NEDD4L: variants seen among roughly 807,000 people sequenced by gnomAD.
NEDD4L encodes the protein NEDD4 like E3 ubiquitin protein ligase.
In NEDD4L, 54 loss-of-function variants were observed where a neutral mutation model predicts 148.9. That is an observed-to-expected ratio of 0.36 (90% CI 0.29 to 0.45). NEDD4L has a LOEUF of 0.45. NEDD4L is among the 20% of genes least tolerant of loss of function. The probability of loss-of-function intolerance (pLI) is 1.00; values close to 1 mark genes in which losing one functional copy is unlikely to be tolerated. For missense variants in NEDD4L, 856 were observed against 1,233.8 expected (o/e 0.69, Z 4.59); for synonymous variants, 433 against 440.7 (o/e 0.98, Z 0.22).
At chr18:58,346,019 A>G (rs1446992673) in intron 16 of NEDD4L, among the ~76,000 whole-genome samples, 1 of 151,518 alleles carries the variant, frequency 6.6e-6, no homozygotes, top group East Asian at 1.9e-4. Flanking sequence ...TCGGCCTCCC[A>G]AAGTGCTGGG....
chr18:58,267,252 C>G (rs532584701), intron 5 of NEDD4L, among the ~76,000 whole-genome samples: 2 of 152,164 alleles, frequency 1.3e-5, no homozygotes, highest in East Asian at 3.9e-4. Context: ...CCTCTGAGTT[C>G]CGGTTGCCCC....
chr18:58,390,773 C>G, intron 29 of NEDD4L, 31 bp downstream of exon 29: 1 of 1,490,990 alleles, frequency 6.7e-7, no homozygotes, highest in Non-Finnish European at 9.2e-7. Context: ...TTCAGTTGTC[C>G]TCCTGGGAAT....
At chr18:58,308,025 C>T (rs1379522334) in intron 5 of NEDD4L, among the ~76,000 whole-genome samples, 1 of 152,040 alleles carries the variant, frequency 6.6e-6, no homozygotes, top group African/African-American at 2.4e-5. Flanking sequence ...GTAAAATTAT[C>T]CTGAAATCTT....
At chr18:58,144,092 T>C (rs190883545) in intron 1 of NEDD4L, among the ~76,000 whole-genome samples, 71 of 150,106 alleles carry the variant, frequency 4.7e-4, no homozygotes, top group Admixed American at 8.0e-4. Flanking sequence ...TTCATGACTC[T>C]GGTTATATAT....
At chr18:58,321,724 G>A (rs902345664) in intron 6 of NEDD4L, among the ~76,000 whole-genome samples, 1 of 152,152 alleles carries the variant, frequency 6.6e-6, no homozygotes, top group Non-Finnish European at 1.5e-5. Context: ...TTAATTGAAG[G>A]GTCTAGGTAT....
intron 2 of NEDD4L, among the ~76,000 whole-genome samples, chr18:58,239,510 C>T (rs1344392550): frequency 3.3e-5 from 5 of 152,178 alleles, no homozygotes; most frequent in African/African-American, 1.2e-4. Context: ...TCTCCCCTTA[C>T]GACCCTGCCC....
At chr18:58,277,528 A>G (rs1284058628) in intron 5 of NEDD4L, among the ~76,000 whole-genome samples, 1 of 152,046 alleles carries the variant, frequency 6.6e-6, no homozygotes, top group African/African-American at 2.4e-5. Context: ...CTCGGCAGCT[A>G]GGTGACAGTT....
Position 58,256,294 on chromosome 18 carries a change from C to A in NEDD4L, c.297+4240C>A. On this transcript the variant is annotated intron_variant, in intron 5 of 30. Coordinates refer to ENST00000400345, the MANE Select transcript of NEDD4L (RefSeq NM_001144967.3). This position sits in a 1 kb window ranked among gnomAD's most constrained non-coding sequence, Gnocchi z 5.2. ...GCCCCGATGGCCAGGGCGGCCCGGC[C>A]GCGGCAGAGCCCAGGCGCTGGTCCC... 2 of 1,231,644 alleles carry A rather than the reference C, an allele frequency of 1.6e-6. No homozygotes were observed. Among genetic ancestry groups the A allele is most frequent in the Non-Finnish European group, 2.0e-6 (2 of 987,800 alleles). 76.3% of individuals were successfully genotyped at this position (1,231,644 alleles called of 1,614,324 possible).
At chr18:58,353,260 C>T (rs1053398644) in intron 18 of NEDD4L, among the ~76,000 whole-genome samples, 4 of 152,210 alleles carry the variant, frequency 2.6e-5, no homozygotes, top group Non-Finnish European at 5.9e-5. Flanking sequence ...CTCCAGCACT[C>T]TGCCCAAACA....
At chr18:58,198,705 G>A (rs554492869) in intron 2 of NEDD4L, among the ~76,000 whole-genome samples, 8 of 152,258 alleles carry the variant, frequency 5.3e-5, no homozygotes, top group African/African-American at 1.9e-4. Context: ...TGAATTCCTT[G>A]TTTCTAGGGA....
intron 5 of NEDD4L, chr18:58,255,340 G>T: frequency 3.2e-6 from 1 of 309,542 alleles, no homozygotes; most frequent in Non-Finnish European, 5.6e-6. Flanking sequence ...AGAGCGAGTA[G>T]GGGAAAACTC....
intron 2 of NEDD4L, among the ~76,000 whole-genome samples, chr18:58,177,835 G>C (rs1488528783): frequency 6.6e-6 from 1 of 152,174 alleles, no homozygotes; most frequent in Non-Finnish European, 1.5e-5. Flanking sequence ...TCTATTTGGG[G>C]GAGAAGCCTG....
intron 5 of NEDD4L, among the ~76,000 whole-genome samples, chr18:58,278,281 G>A (rs773175973): frequency 6.6e-6 from 1 of 152,168 alleles, no homozygotes; most frequent in Non-Finnish European, 1.5e-5. Flanking sequence ...CATGGCCAGC[G>A]CTATCTGAAG....
chr18:58,044,574 G>C lies in NEDD4L; in HGVS notation c.-87G>C. On this transcript the variant is annotated 5_prime_UTR_variant, in exon 1 of 31. Coordinates refer to ENST00000400345, the MANE Select transcript of NEDD4L (RefSeq NM_001144967.3). ...GCAGGGTAGGGTGCGGGACCGGGGG[G>C]ACCTGGAGGCAGAGGGGAGAACCGG... 1 of 1,439,006 alleles carries C rather than the reference G, an allele frequency of 6.9e-7. No individual in the cohort carries two copies. The highest frequency in any genetic ancestry group is 1.5e-5 in the South Asian group (1 of 65,974). The allele number at this position is 1,439,006 out of a possible 1,614,324, so 89.1% of individuals were successfully genotyped here. A position where few individuals can be genotyped will look rare whatever the true frequency, so the allele number is the denominator to read the frequency against.
Position 58,391,630 on chromosome 18 carries a change from A to G in NEDD4L, c.2825+71A>G, listed in dbSNP as rs183280969. ...TTAGCTGGGTATGGTGCTGGGCTCA[A>G]GGCTATTGAATGCTCTGTTTCCTGT... is the stretch of plus-strand genomic sequence containing the variant. On this transcript the variant is annotated intron_variant, in intron 30 of 30. Transcript: ENST00000400345. The G allele has an allele frequency of 5.7e-6, 6 of 1,052,880 alleles. No homozygotes were observed. In the African/African-American group the frequency reaches 7.9e-5, roughly 14 times the overall value. 65.2% of individuals were successfully genotyped at this position (1,052,880 alleles called of 1,614,324 possible). A position where few individuals can be genotyped will look rare whatever the true frequency, so the allele number is the denominator to read the frequency against.
chr18:58,104,108 T>C (rs1444477491), intron 1 of NEDD4L, among the ~76,000 whole-genome samples: 1 of 152,184 alleles, frequency 6.6e-6, no homozygotes, highest in Non-Finnish European at 1.5e-5. Flanking sequence ...TTGTGATATA[T>C]CCACGCACTG....
At chr18:58,355,600 C>CAG (rs1408719498) in intron 18 of NEDD4L, among the ~76,000 whole-genome samples, 2 of 152,178 alleles carry the variant, frequency 1.3e-5, no homozygotes, top group Non-Finnish European at 2.9e-5. Context: ...CAGCTGTACT[C>CAG]CGTTTCCTTT....
At chr18:58,211,945 C>G (rs928449608) in intron 2 of NEDD4L, among the ~76,000 whole-genome samples, 1 of 152,122 alleles carries the variant, frequency 6.6e-6, no homozygotes, top group Non-Finnish European at 1.5e-5. Context: ...GCACAGACCT[C>G]TATCTAATAT....
intron 18 of NEDD4L, among the ~76,000 whole-genome samples, chr18:58,351,946 A>G (rs753371501): frequency 6.6e-6 from 1 of 152,196 alleles, no homozygotes; most frequent in African/African-American, 2.4e-5. Context: ...AGGACTGGTC[A>G]CTATCTCATA....
Sources: gnomAD v4.1 joint callset for allele counts (sites outside exome capture counted in the v4.1 genomes callset) on GRCh38, gnomAD v4.1.1 for gene constraint, Gnocchi (gnomAD v3.1) non-coding constraint, MANE v1.5 for transcripts, NCBI Gene and HGNC (gene_info 2026-07-23, HGNC 2026-07-21) for gene names.